SPACA1: variants seen among roughly 807,000 people sequenced by gnomAD.
SPACA1 encodes sperm acrosome membrane-associated protein 1.
Under a neutral mutation model 32.6 loss-of-function variants are expected in SPACA1, and 17 were observed. The ratio of observed to expected loss-of-function variants is 0.52; its 90% CI spans 0.36 to 0.78. The LOEUF (loss-of-function observed/expected upper bound fraction) is 0.78. SPACA1 is among the 30% of genes least tolerant of loss of function. The pLI, the probability that SPACA1 is intolerant of heterozygous loss-of-function variation, is 0.01. For synonymous variants in SPACA1, 140 were observed against 138.1 expected, an observed-to-expected ratio of 1.01 and a Z score of -0.10; for missense variants, 363 against 373.4, an observed-to-expected ratio of 0.97 and a Z score of 0.23.
At chr6:88,062,110 CAACAATGTTGGAACGTAAAT>C (rs1775906212) in intron 5 of SPACA1, among the ~76,000 whole-genome samples, 2 of 151,956 alleles carry the variant, frequency 1.3e-5, no homozygotes, top group Admixed American at 6.6e-5. Context: ...TTTAAAAATC[CAACAATGTTGGAACGTAAAT>C]ATAGATGTAT....
chr6:88,051,675 T>G (rs2127798145), intron 1 of SPACA1, among the ~76,000 whole-genome samples: 1 of 152,356 alleles, frequency 6.6e-6, no homozygotes. Context: ...CCTATCAAAT[T>G]AAGACCACCC....
intron 2 of SPACA1, among the ~76,000 whole-genome samples, chr6:88,055,302 C>T (rs149406684): frequency 2.6e-5 from 4 of 152,202 alleles, no homozygotes; most frequent in Non-Finnish European, 4.4e-5. Flanking sequence ...TGCCAGGCAT[C>T]GTTATAGATG....
chr6:88,054,388 C>G (rs1481226826), intron 2 of SPACA1, among the ~76,000 whole-genome samples: 1 of 152,074 alleles, frequency 6.6e-6, no homozygotes, highest in Non-Finnish European at 1.5e-5. Context: ...ATAGTCCATT[C>G]TAAATTCTAC....
intron 6 of SPACA1, 122 bp downstream of exon 6, chr6:88,064,341 T>A: frequency 1.0e-6 from 1 of 970,866 alleles, no homozygotes; most frequent in Non-Finnish European, 1.5e-6. Flanking sequence ...AAACTGTCCA[T>A]CGCCTTTCAT....
intron 2 of SPACA1, 60 bp downstream of exon 2, chr6:88,054,062 A>G: frequency 1.3e-6 from 2 of 1,493,986 alleles, no homozygotes; most frequent in Non-Finnish European, 1.9e-6. Context: ...GGAAAGGTAA[A>G]AGCAGATAGT....
At position 88,066,432 on chromosome 6, in the gene SPACA1, C is replaced by T. The variant is rs543638539; in HGVS notation, c.*97C>T. 1,716 of 1,175,146 alleles carry T rather than the reference C, an allele frequency of 1.5e-3. 2 individuals are homozygous for T. The highest frequency in any genetic ancestry group is 4.2e-3 in the Middle Eastern group (16 of 3,842). 72.8% of individuals were successfully genotyped at this position (1,175,146 alleles called of 1,614,324 possible). On this transcript the variant is annotated 3_prime_UTR_variant, in exon 7 of 7. Coordinates refer to ENST00000237201, the MANE Select transcript of SPACA1 (RefSeq NM_030960.3). The stretch of plus-strand genomic sequence containing the variant: ...ACATTGAAATACTTTAATAATGTTG[C>T]GATGGATTGCCACAGTGTGAAGGAA...
chr6:88,061,158 TTGAGA>T (rs900567470), intron 5 of SPACA1, among the ~76,000 whole-genome samples: 1 of 152,314 alleles, frequency 6.6e-6, no homozygotes, highest in Non-Finnish European at 1.5e-5. Flanking sequence ...AAATATGTAA[TTGAGA>T]TATTTTTAGG....
At chr6:88,061,860 C>A (rs748745419) in intron 5 of SPACA1, among the ~76,000 whole-genome samples, 3 of 152,072 alleles carry the variant, frequency 2.0e-5, no homozygotes, top group Non-Finnish European at 2.9e-5. Flanking sequence ...GGAAATTGAG[C>A]CTATTTTTTT....
Position 88,047,883 on chromosome 6 carries a change from G to A in SPACA1, c.-23G>A. 6.6e-7 allele frequency: 1 copy of A among 1,516,808 alleles called. No individual in the cohort carries two copies. Among genetic ancestry groups the A allele is most frequent in the Non-Finnish European group, 8.9e-7 (1 of 1,129,560 alleles). 94.0% of individuals were successfully genotyped at this position (1,516,808 alleles called of 1,614,324 possible). ...GAGCCGCGGCGGCGACTGCGCCTCG[G>A]ACGGCCGTCGGGGCCGAGAACCATG... is the stretch of plus-strand genomic sequence containing the variant. On this transcript the variant is annotated 5_prime_UTR_variant, in exon 1 of 7. Transcript: ENST00000237201.
chr6:88,062,125 G>A (rs990727230), intron 5 of SPACA1, among the ~76,000 whole-genome samples: 1 of 152,162 alleles, frequency 6.6e-6, no homozygotes, highest in Non-Finnish European at 1.5e-5. Flanking sequence ...ATGTTGGAAC[G>A]TAAATATAGA....
intron 5 of SPACA1, among the ~76,000 whole-genome samples, chr6:88,059,860 A>G (rs1775866630): frequency 6.6e-6 from 1 of 152,220 alleles, no homozygotes; most frequent in Admixed American, 6.5e-5. Context: ...AAGTAGTCAC[A>G]ATTTCCTCAC....
At chr6:88,064,010 A>G in intron 5 of SPACA1, 89 bp from the exon 6 acceptor site, 1 of 1,401,998 alleles carries the variant, frequency 7.1e-7, no homozygotes, top group South Asian at 1.5e-5. Context: ...ATGTTTCTAG[A>G]GTTGTTTTTC....
intron 2 of SPACA1, among the ~76,000 whole-genome samples, chr6:88,056,758 T>C (rs1775815233): frequency 6.6e-6 from 1 of 152,186 alleles, no homozygotes; most frequent in Non-Finnish European, 1.5e-5. Flanking sequence ...TGTCTTAACA[T>C]GGGACACGGT....
intron 3 of SPACA1, 67 bp from the exon 4 acceptor site, chr6:88,058,649 A>C: frequency 8.5e-7 from 1 of 1,171,490 alleles, no homozygotes; most frequent in Non-Finnish European, 1.2e-6. Context: ...AGGAAAAAAA[A>C]AAGTAATTTC....
At chr6:88,056,318 C>T (rs1056128679) in intron 2 of SPACA1, among the ~76,000 whole-genome samples, 3 of 152,204 alleles carry the variant, frequency 2.0e-5, no homozygotes, top group African/African-American at 7.2e-5. Flanking sequence ...CGCGCCACTG[C>T]ACTCTAGCCT....
intron 1 of SPACA1, among the ~76,000 whole-genome samples, chr6:88,052,836 G>GAAAAAC (rs776157791): frequency 1.3e-5 from 2 of 152,076 alleles, no homozygotes; most frequent in African/African-American, 4.8e-5. Context: ...GACTCTCTCG[G>GAAAAAC]AAAAACAAAA....
At chr6:88,052,927 TAG>T (rs1484052672) in intron 1 of SPACA1, among the ~76,000 whole-genome samples, 1 of 152,174 alleles carries the variant, frequency 6.6e-6, no homozygotes, top group Admixed American at 6.5e-5. Context: ...GTTATCAAAA[TAG>T]GGGAAAAAAA....
Position 88,057,774 on chromosome 6 carries a change from T to G in SPACA1, c.367+61T>G, listed in dbSNP as rs1278571898. 5 of 1,460,598 alleles carry G rather than the reference T, an allele frequency of 3.4e-6. No homozygotes were observed. In the African/African-American group the frequency reaches 7.0e-5, roughly 20 times the overall value. 90.5% of individuals were successfully genotyped at this position (1,460,598 alleles called of 1,614,324 possible). A position where few individuals can be genotyped will look rare whatever the true frequency, so the allele number is the denominator to read the frequency against. The stretch of plus-strand genomic sequence containing the variant: ...CAAGAGTTTACTCTGGGGAAATATT[T>G]TTCACCTCAGGTTGCCACTGAGTAG... On this transcript the variant is annotated intron_variant, in intron 3 of 6. Transcript: ENST00000237201.
chr6:88,056,215 G>A (rs748259786), intron 2 of SPACA1, among the ~76,000 whole-genome samples: 4 of 151,966 alleles, frequency 2.6e-5, no homozygotes, highest in African/African-American at 2.4e-5. Flanking sequence ...TTAGCTGGGC[G>A]TAGTGGCACG....
Sources: allele counts gnomAD v4.1 joint callset (sites outside exome capture counted in the v4.1 genomes callset), GRCh38; gene constraint gnomAD v4.1.1; transcripts MANE v1.5; gene names NCBI Gene and HGNC (gene_info 2026-07-23, HGNC 2026-07-21).